Variants in ESRRB observed in about 807,000 individuals in gnomAD.
ESRRB encodes the protein estrogen related receptor beta, also known as steroid hormone receptor ERR2.
A neutral mutation model predicts 46.0 loss-of-function variants in ESRRB; 16 were observed. The observed-to-expected ratio is 0.35, with a 90% CI of 0.24 to 0.53. The LOEUF is 0.53. Ranked by LOEUF, ESRRB falls within the 20% of genes least tolerant of loss-of-function variation. The pLI is 0.93. For synonymous variants in ESRRB, 246 were observed against 259.6 expected (o/e 0.95, Z 0.50); for missense variants, 488 against 607.4 (o/e 0.80, Z 2.07).
At chr14:76,417,992 G>A (rs1045395264) in intron 1 of ESRRB, among the ~76,000 whole-genome samples, 3 of 124,178 alleles carry the variant, frequency 2.4e-5, no homozygotes, top group African/African-American at 9.6e-5. Flanking sequence ...GTCTGGCTCT[G>A]TCACCCAGGC....
chr14:76,328,313 GA>G (rs1883960566), intron 1 of ESRRB, among the ~76,000 whole-genome samples: 3 of 152,214 alleles, frequency 2.0e-5, no homozygotes, highest in African/African-American at 7.2e-5. Context: ...AATGTAGGAA[GA>G]TACAGGAAAG....
chr14:76,318,353 TG>T (rs1338073733), intron 1 of ESRRB, among the ~76,000 whole-genome samples: 1 of 152,156 alleles, frequency 6.6e-6, no homozygotes, highest in Non-Finnish European at 1.5e-5. Flanking sequence ...ACCTGCCGAG[TG>T]GGGCTGACAC....
Position 76,482,185 on chromosome 14 carries a change from A to G in ESRRB, c.688+59A>G. On this transcript the variant is annotated intron_variant, in intron 4 of 6. Transcript: ENST00000644823. This position sits in a 1 kb window ranked among gnomAD's most constrained non-coding sequence, Gnocchi z 4.3. ...AGCATCTGTACCTGGAACATCAGGCATCCCTTAGGGAAACATCATCTTCCC... is the reference window on the plus strand; with the variant it reads ...AGCATCTGTACCTGGAACATCAGGCGTCCCTTAGGGAAACATCATCTTCCC... 7.8e-7 allele frequency: 1 copy of G among 1,279,040 alleles called. No homozygotes were observed. Among genetic ancestry groups the G allele is most frequent in the South Asian group, 1.2e-5 (1 of 83,746 alleles). The allele number at this position is 1,279,040 out of a possible 1,614,324, so 79.2% of individuals were successfully genotyped here.
intron 2 of ESRRB, among the ~76,000 whole-genome samples, chr14:76,460,709 A>C (rs1252159181): frequency 7.1e-6 from 1 of 141,564 alleles, no homozygotes; most frequent in African/African-American, 2.9e-5. Context: ...TTCCAGTTAC[A>C]TTTTTTTTTG....
At chr14:76,367,300 A>G (rs1215046351), upstream of ESRRB, among the ~76,000 whole-genome samples, 2 of 152,302 alleles carry the variant, frequency 1.3e-5, no homozygotes, top group African/African-American at 2.4e-5. Flanking sequence ...CATGCCTGTA[A>G]TCCCAGTATT....
At chr14:76,479,836 A>G (rs1889735318) in intron 3 of ESRRB, among the ~76,000 whole-genome samples, 1 of 152,136 alleles carries the variant, frequency 6.6e-6, no homozygotes, top group African/African-American at 2.4e-5. Context: ...CAGACTTCCA[A>G]CAGTTTCCGT....
intron 1 of ESRRB, among the ~76,000 whole-genome samples, chr14:76,429,431 T>TA (rs1318298405): frequency 1.3e-5 from 2 of 151,804 alleles, no homozygotes; most frequent in African/African-American, 2.4e-5. Flanking sequence ...CAGGAGTGAT[T>TA]AAAAAAAACA....
chr14:76,392,538 C>T (rs968034452), intron 1 of ESRRB, among the ~76,000 whole-genome samples: 15 of 152,330 alleles, frequency 9.8e-5, no homozygotes, highest in Admixed American at 9.8e-4. Flanking sequence ...CTGCCTGAAA[C>T]AGCTCAGAAT....
intron 1 of ESRRB, among the ~76,000 whole-genome samples, chr14:76,387,106 G>A (rs1885263282): frequency 6.6e-6 from 1 of 152,174 alleles, no homozygotes; most frequent in Admixed American, 6.5e-5. Context: ...AGGAGGCTGA[G>A]GGGAAGCAGC....
intron 1 of ESRRB, among the ~76,000 whole-genome samples, chr14:76,330,630 A>G (rs1884002437): frequency 6.6e-6 from 1 of 152,102 alleles, no homozygotes; most frequent in Non-Finnish European, 1.5e-5. Flanking sequence ...AGGATCGAGG[A>G]TCGTGGTGGC....
rs138383834 is a variant in ESRRB, at chr14:76,379,463, G to A, written c.50+3012G>A. Among the ~76,000 whole-genome samples the A allele has an allele frequency of 1.7e-3, 258 of 152,326 alleles. 1 individual carries two copies. The highest frequency in any genetic ancestry group is 6.1e-3 in the African/African-American group (252 of 41,578). On this transcript the variant is annotated intron_variant, in intron 1 of 6. Transcript: ENST00000644823. ...AGGAAAAATGCCACATGGTAATTCA[G>A]AGTCAGTGACCCGGAGAAAAACAAA...
chr14:76,430,933 C>G (rs917441682), intron 1 of ESRRB, among the ~76,000 whole-genome samples: 2 of 152,228 alleles, frequency 1.3e-5, no homozygotes, highest in African/African-American at 4.8e-5. Context: ...CAGTCCATTC[C>G]TCTGCCTGCT....
chr14:76,332,785 TATATAAATATATA>T (rs1566853404), intron 1 of ESRRB, among the ~76,000 whole-genome samples: 35 of 9,348 alleles, frequency 3.7e-3, no homozygotes, highest in Middle Eastern at 0.1. Context: ...TTATATATTA[TATATAAATATATA>T]ATATATTTAT....
In ESRRB at chr14:76,491,548, G is replaced by A. The variant is rs201344770; in HGVS notation, c.952G>A (p.Asp318Asn). 227 of 1,593,616 alleles carry A rather than the reference G, an allele frequency of 1.4e-4. 2 individuals carry two copies. The highest frequency in any genetic ancestry group is 1.2e-3 in the Admixed American group (66 of 56,126). The change falls in exon 6 of 7, where the codon GAC becomes AAC. Residue 318 changes from aspartate (D) to asparagine (N), a missense_variant. Physicochemically the swap from Asp to Asn is conservative, Grantham distance 23. Coordinates refer to ENST00000644823, the MANE Select transcript of ESRRB (RefSeq NM_001379180.1). The part of the protein sequence containing the change: ...GIVYRSLPYD[D>N]KLVYAEDYIM... ...CGTGTACCGCTCGCTGCCCTATGAC[G>A]ACAAGCTGGTGTACGCTGAGGACTA... is the stretch of plus-strand genomic sequence containing the variant.
At chr14:76,387,222 G>A (rs1020405488) in intron 1 of ESRRB, among the ~76,000 whole-genome samples, 9 of 152,158 alleles carry the variant, frequency 5.9e-5, no homozygotes, top group Non-Finnish European at 7.3e-5. Flanking sequence ...GGGTACCAGC[G>A]GACCCCAGCT....
intron 1 of ESRRB, among the ~76,000 whole-genome samples, chr14:76,410,315 A>T (rs929664911): frequency 1.3e-5 from 2 of 152,146 alleles, no homozygotes; most frequent in East Asian, 1.9e-4. Context: ...TCAGTCTTTT[A>T]AAAAAAAGTA....
rs771927470 is a variant in ESRRB at position 76,457,792 on chromosome 14, C to G, written c.461-4753C>G. 3.3e-5 allele frequency among the ~76,000 whole-genome samples: 5 copies of G among 152,144 alleles called. No homozygotes were observed. The South Asian group carries it at 6.2e-4, about 19-fold the overall frequency. On this transcript the variant is annotated intron_variant, in intron 2 of 6. Transcript: ENST00000644823. ...GGTTTAAGCGATTCTCCTGCCTCAG[C>G]CTTCCGAATAGCTAAGATTACAGAT...
At chr14:76,341,282 C>G (rs1884188841) in intron 1 of ESRRB, among the ~76,000 whole-genome samples, 1 of 152,260 alleles carries the variant, frequency 6.6e-6, no homozygotes, top group Non-Finnish European at 1.5e-5. Context: ...TCAGCTGGTT[C>G]TCGGCCTGGG....
chr14:76,404,273 T>C (rs1886074214), intron 1 of ESRRB: 1 of 151,900 alleles, frequency 6.6e-6, no homozygotes, highest in Non-Finnish European at 1.5e-5. Context: ...TGTCTGCATA[T>C]GTGTGTGTAG....
Sources: allele counts gnomAD v4.1 joint callset (sites outside exome capture counted in the v4.1 genomes callset), GRCh38; gene constraint gnomAD v4.1.1; non-coding constraint Gnocchi (gnomAD v3.1); transcripts MANE v1.5; gene names NCBI Gene and HGNC (gene_info 2026-07-23, HGNC 2026-07-21).